RUBCN: variants seen among roughly 807,000 people sequenced by gnomAD.
The protein encoded by RUBCN is run domain Beclin-1-interacting and cysteine-rich domain-containing protein.
Under a neutral mutation model 113.2 loss-of-function variants are expected in RUBCN, and 74 were observed. That is an observed-to-expected ratio of 0.65 (90% CI 0.54 to 0.79). The LOEUF is 0.79. RUBCN is among the 30% of genes least tolerant of loss of function. RUBCN has a pLI of 0.00. For missense variants in RUBCN, 1,109 were observed against 1,251.7 expected (o/e 0.89, Z 1.72); for synonymous variants, 480 against 490.0 (o/e 0.98, Z 0.27).
rs1560484854 is a variant in RUBCN at position 197,743,855 on chromosome 3, G to A, written c.-116+5414C>T. Among the ~76,000 whole-genome samples, 7 of 152,148 alleles carry A rather than the reference G, an allele frequency of 4.6e-5. No individual in the cohort carries two copies. In the South Asian group the frequency reaches 1.5e-3, roughly 32 times the overall value. On this transcript the variant is annotated intron_variant, in intron 1 of 20. Coordinates refer to the RUBCN transcript ENST00000273582. ...AAAAATTAGCCGGGCGTGGTGGCGA[G>A]CGCCTGTAATCCCAGCTACTTGGGA...
chr3:197,689,643 A>G (rs1485629643), intron 11 of RUBCN, among the ~76,000 whole-genome samples: 3 of 152,242 alleles, frequency 2.0e-5, no homozygotes, highest in African/African-American at 4.8e-5. Flanking sequence ...TAGGAAAAAA[A>G]GGAACCTAAT....
intron 9 of RUBCN, among the ~76,000 whole-genome samples, chr3:197,695,494 G>A (rs752454580): frequency 9.9e-5 from 15 of 152,066 alleles, no homozygotes; most frequent in East Asian, 5.8e-4. Flanking sequence ...CCAGCTACTC[G>A]GGAGGCTGAG....
chr3:197,701,867 A>G lies in RUBCN; in HGVS notation c.571-3T>C. ...GGGCTCTCGTGCTTTCTGGCAAACT[A>G]AAAAGCAAAACAAAACCAAAAAATG... is the stretch of plus-strand genomic sequence containing the variant. On this transcript the variant is annotated splice_region_variant and splice_polypyrimidine_tract_variant and intron_variant, in intron 5 of 19. Coordinates refer to ENST00000296343, the MANE Select transcript of RUBCN (RefSeq NM_014687.4). 1 of 1,613,990 alleles carries G rather than the reference A, an allele frequency of 6.2e-7. No individual in the cohort carries two copies. The highest frequency in any genetic ancestry group is 1.1e-5 in the South Asian group (1 of 91,048).
intron 1 of RUBCN, among the ~76,000 whole-genome samples, chr3:197,743,116 C>T (rs1207772668): frequency 6.6e-6 from 1 of 152,238 alleles, no homozygotes; most frequent in East Asian, 1.9e-4. Flanking sequence ...CAGTAGTGCT[C>T]CTTTAAACTT....
exon 1 of RUBCN, chr3:197,749,601 G>A: frequency 8.8e-7 from 1 of 1,135,554 alleles, no homozygotes; most frequent in Non-Finnish European, 1.2e-6. Context: ...GCAGCAGGAG[G>A]GACTCGAAGG....
chr3:197,748,987 G>GTA (rs987357053), intron 1 of RUBCN, among the ~76,000 whole-genome samples: 1 of 152,200 alleles, frequency 6.6e-6, no homozygotes, highest in Non-Finnish European at 1.5e-5. Context: ...AATGCATCTG[G>GTA]TATTGTCCTT....
intron 2 of RUBCN, among the ~76,000 whole-genome samples, chr3:197,713,937 C>T (rs113257652): frequency 0.11 from 17,122 of 151,630 alleles, 1,193 homozygotes; most frequent in African/African-American, 0.18. Context: ...ATTAGCCGGG[C>T]GTGGTGGCGG....
chr3:197,690,592 C>A (rs980214559), intron 11 of RUBCN, among the ~76,000 whole-genome samples: 2 of 152,190 alleles, frequency 1.3e-5, no homozygotes, highest in Admixed American at 1.3e-4. Flanking sequence ...AGCAGTAAAT[C>A]CTACTTGTAC....
chr3:197,707,005 C>A lies in RUBCN; in HGVS notation c.220-1830G>T, dbSNP rs1461135145. Among the ~76,000 whole-genome samples, 19 of 142,902 alleles carry A rather than the reference C, an allele frequency of 1.3e-4. 1 individual carries two copies. Among genetic ancestry groups the A allele is most frequent in the African/African-American group, 5.8e-4 (19 of 32,766 alleles). 93.7% of individuals were successfully genotyped at this position (142,902 alleles called of 152,430 possible). On this transcript the variant is annotated intron_variant, in intron 2 of 19. Coordinates refer to ENST00000296343, the MANE Select transcript of RUBCN (RefSeq NM_014687.4). ...CCAGGGCTGGGCAGCCGTGGGACAT[C>A]AACTCCAGCATGTCTCTTGGTTACA... is the stretch of plus-strand genomic sequence containing the variant.
intron 1 of RUBCN, among the ~76,000 whole-genome samples, chr3:197,725,923 G>A (rs990937826): frequency 6.6e-6 from 1 of 152,056 alleles, no homozygotes; most frequent in Non-Finnish European, 1.5e-5. Flanking sequence ...TAGGTACGGG[G>A]ACCTCATCAC....
At chr3:197,703,452 A>C in intron 5 of RUBCN, 96 bp downstream of exon 5, 1 of 707,316 alleles carries the variant, frequency 1.4e-6, no homozygotes, top group Non-Finnish European at 2.5e-6. Flanking sequence ...TTCAGCTCAC[A>C]AAAATGGCTA....
At chr3:197,725,518 A>ATTTTTT (rs1182710026) in intron 1 of RUBCN, among the ~76,000 whole-genome samples, 11 of 120,888 alleles carry the variant, frequency 9.1e-5, no homozygotes, top group South Asian at 2.6e-4. Flanking sequence ...TGACAGGAGA[A>ATTTTTT]TCTTTTTTTT....
At position 197,747,517 on chromosome 3, in the gene RUBCN, G is replaced by A. The variant is rs1298719316; in HGVS notation, c.-116+1752C>T. 2.6e-5 allele frequency among the ~76,000 whole-genome samples: 4 copies of A among 151,884 alleles called. No homozygotes were observed. In the East Asian group the frequency reaches 7.7e-4, roughly 29 times the overall value. ...ATTACAAGCGTGAGCCACTGCACCA[G>A]GTCGAGAATCTTTATTATATTAGTG... On this transcript the variant is annotated intron_variant, in intron 1 of 20. Transcript: ENST00000273582.
chr3:197,675,719 G>A lies in RUBCN; in HGVS notation c.2647-204C>T, dbSNP rs1720313747. On this transcript the variant is annotated intron_variant, in intron 18 of 19. Coordinates refer to ENST00000296343, the MANE Select transcript of RUBCN (RefSeq NM_014687.4). This position sits in a 1 kb window ranked among gnomAD's most constrained non-coding sequence, Gnocchi z 4.4. ...AAGCTTTAGGCAGAAGATCAGACAGGCACCAGCCGGAGAAGCTCCGACCCC... is the reference window on the plus strand; with the variant it reads ...AAGCTTTAGGCAGAAGATCAGACAGACACCAGCCGGAGAAGCTCCGACCCC... Among the ~76,000 whole-genome samples the A allele has an allele frequency of 6.6e-6, 1 of 152,146 alleles. No individual in the cohort carries two copies. The highest frequency in any genetic ancestry group is 1.5e-5 in the Non-Finnish European group (1 of 68,016).
At chr3:197,688,902 G>A (rs1186749920) in intron 11 of RUBCN, among the ~76,000 whole-genome samples, 1 of 152,204 alleles carries the variant, frequency 6.6e-6, no homozygotes, top group African/African-American at 2.4e-5. Context: ...GGAATTCACT[G>A]TAAACTGACA....
chr3:197,716,492 G>A (rs537558558), intron 2 of RUBCN, among the ~76,000 whole-genome samples: 17 of 152,210 alleles, frequency 1.1e-4, no homozygotes, highest in African/African-American at 3.9e-4. Flanking sequence ...TTTTGCCTTG[G>A]CTGTTTTTCT....
Position 197,674,736 on chromosome 3 carries a change from G to A in RUBCN, c.*282C>T. ...ACTTGGTCTTGCTGTCTCTTCCACT[G>A]ACAGAGGCACTAGAAGCTTCACTGA... On this transcript the variant is annotated 3_prime_UTR_variant, in exon 20 of 20. Coordinates refer to ENST00000296343, the MANE Select transcript of RUBCN (RefSeq NM_014687.4). The A allele has an allele frequency of 2.1e-6, 1 of 487,302 alleles. No individual in the cohort carries two copies. Among genetic ancestry groups the A allele is most frequent in the South Asian group, 2.6e-5 (1 of 39,182 alleles). 30.2% of individuals were successfully genotyped at this position (487,302 alleles called of 1,614,324 possible).
intron 16 of RUBCN, among the ~76,000 whole-genome samples, chr3:197,677,797 G>A (rs548245510): frequency 6.8e-6 from 1 of 147,196 alleles, no homozygotes; most frequent in African/African-American, 2.5e-5. Context: ...CCTGGCTTCA[G>A]ACTGTCCCAC....
chr3:197,687,593 G>A (rs911263941), intron 11 of RUBCN, among the ~76,000 whole-genome samples: 5 of 152,210 alleles, frequency 3.3e-5, no homozygotes, highest in African/African-American at 1.2e-4. Context: ...AGCTGACTCC[G>A]GGGGAAGCAC....
Sources: allele counts gnomAD v4.1 joint callset (sites outside exome capture counted in the v4.1 genomes callset), GRCh38; gene constraint gnomAD v4.1.1; non-coding constraint Gnocchi (gnomAD v3.1); transcripts MANE v1.5; gene names NCBI Gene and HGNC (gene_info 2026-07-23, HGNC 2026-07-21).